The following DPP10 variants were observed in gnomAD, a reference collection of about 807,000 sequenced individuals.
DPP10 encodes dipeptidyl peptidase like 10.
Under a neutral mutation model 120.9 loss-of-function variants are expected in DPP10, and 33 were observed. The ratio of observed to expected loss-of-function variants is 0.27; its 90% confidence interval spans 0.21 to 0.37. DPP10 has a LOEUF of 0.37. DPP10 is among the 10% of genes least tolerant of loss of function. The pLI, the probability that DPP10 is intolerant of heterozygous loss-of-function variation, is 1.00. For synonymous variants in DPP10, 337 were observed against 326.1 expected, an observed-to-expected ratio of 1.03 and a Z score of -0.36; for missense variants, 816 against 942.8, an observed-to-expected ratio of 0.87 and a Z score of 1.76.
chr2:115,566,290 A>G (rs992485003), intron 5 of DPP10, among the ~76,000 whole-genome samples: 2 of 151,918 alleles, frequency 1.3e-5, no homozygotes, highest in African/African-American at 4.8e-5. Context: ...GTTTTTTCCT[A>G]ATGTTTGGCA....
chr2:115,120,658 T>C (rs1381680371), intron 1 of DPP10, among the ~76,000 whole-genome samples: 1 of 152,190 alleles, frequency 6.6e-6, no homozygotes, highest in African/African-American at 2.4e-5. Flanking sequence ...TTAGTAGACC[T>C]AATAACCTTT....
At position 114,863,667 on chromosome 2, in the gene DPP10, G is replaced by T. The variant is rs184390117; in HGVS notation, c.60+420829G>T. Among the ~76,000 whole-genome samples the T allele has an allele frequency of 1.5e-3, 222 of 152,316 alleles. 1 individual carries two copies. The highest frequency in any genetic ancestry group is 5.1e-3 in the African/African-American group (211 of 41,564). On this transcript the variant is annotated intron_variant, in intron 1 of 25. Coordinates refer to ENST00000410059, the MANE Select transcript of DPP10 (RefSeq NM_020868.6). ...CTTCTTCATGTGTGATTTGACACAGGATGAAATAGAATTAAAGGGCAACTA... is the reference window on the plus strand; with the variant it reads ...CTTCTTCATGTGTGATTTGACACAGTATGAAATAGAATTAAAGGGCAACTA...
At chr2:115,840,132 A>C (rs906055652) in intron 24 of DPP10, among the ~76,000 whole-genome samples, 1 of 151,612 alleles carries the variant, frequency 6.6e-6, no homozygotes, top group East Asian at 1.9e-4. Context: ...ATTTATAAAA[A>C]TATGTGTACC....
At chr2:115,103,632 G>C (rs755723225) in intron 1 of DPP10, among the ~76,000 whole-genome samples, 1 of 152,216 alleles carries the variant, frequency 6.6e-6, no homozygotes, top group East Asian at 1.9e-4. Flanking sequence ...TGCATGGGAA[G>C]TTTTTAATGG....
At position 115,843,500 on chromosome 2, in the gene DPP10, A is replaced by G. The variant is rs143481744; in HGVS notation, c.*1155A>G. The G allele has an allele frequency of 3.9e-5, 6 of 152,288 alleles. No homozygotes were observed. In the South Asian group the frequency reaches 1.0e-3, roughly 26 times the overall value. 9.4% of individuals were successfully genotyped at this position (152,288 alleles called of 1,614,324 possible). ...CTATTTAGTATTCCATGCCTGCCCA[A>G]TTCATCTGTTACTGTTTAATTTCAA... On this transcript the variant is annotated 3_prime_UTR_variant, in exon 26 of 26. Coordinates refer to ENST00000410059, the MANE Select transcript of DPP10 (RefSeq NM_020868.6).
At chr2:115,329,355 C>G (rs1340573918) in intron 2 of DPP10, among the ~76,000 whole-genome samples, 1 of 151,884 alleles carries the variant, frequency 6.6e-6, no homozygotes, top group African/African-American at 2.4e-5. Context: ...TTGTCTGACC[C>G]AGGAAACAAA....
At chr2:115,052,292 CA>C (rs1372854216) in intron 1 of DPP10, among the ~76,000 whole-genome samples, 1 of 151,548 alleles carries the variant, frequency 6.6e-6, no homozygotes, top group Admixed American at 6.6e-5. Flanking sequence ...AGTATGACTC[CA>C]AAAGCACAAG....
At chr2:114,849,173 A>G (rs982509868) in intron 1 of DPP10, among the ~76,000 whole-genome samples, 1 of 152,098 alleles carries the variant, frequency 6.6e-6, no homozygotes, top group Non-Finnish European at 1.5e-5. Flanking sequence ...GACTCTTCAC[A>G]TACACATTTA....
chr2:114,928,421 A>G (rs143429870), intron 1 of DPP10, among the ~76,000 whole-genome samples: 1 of 152,326 alleles, frequency 6.6e-6, no homozygotes, highest in East Asian at 1.9e-4. Flanking sequence ...CTGACATTAA[A>G]TCTTGAATCT....
At chr2:114,730,391 G>C (rs900282613) in intron 1 of DPP10, among the ~76,000 whole-genome samples, 1 of 152,162 alleles carries the variant, frequency 6.6e-6, no homozygotes, top group Non-Finnish European at 1.5e-5. Flanking sequence ...ATTCTCAGAG[G>C]CCTTCAGGAG....
intron 1 of DPP10, among the ~76,000 whole-genome samples, chr2:114,655,824 G>T (rs919349683): frequency 6.6e-6 from 1 of 151,996 alleles, no homozygotes; most frequent in Admixed American, 6.6e-5. Context: ...TATAGGTAAG[G>T]ATTCATTACA....
At chr2:115,715,535 A>G (rs898744600) in intron 7 of DPP10, among the ~76,000 whole-genome samples, 1 of 152,016 alleles carries the variant, frequency 6.6e-6, no homozygotes, top group African/African-American at 2.4e-5. Flanking sequence ...TAAACATACC[A>G]TACCATATTT....
intron 24 of DPP10, among the ~76,000 whole-genome samples, chr2:115,837,695 G>C (rs563418441): frequency 6.6e-6 from 1 of 152,256 alleles, no homozygotes; most frequent in Non-Finnish European, 1.5e-5. Context: ...ATATGATGTA[G>C]TGGGGATGGC....
In DPP10 at chr2:114,732,269, C is replaced by T. The variant is rs188036143; in HGVS notation, c.60+289431C>T. On this transcript the variant is annotated intron_variant, in intron 1 of 25. Transcript: ENST00000410059. ...GCAGTTAAGAAAACAGGAAACTGGA[C>T]ACACGACTACAATTTAGTCATATGG... 4.0e-3 allele frequency among the ~76,000 whole-genome samples: 611 copies of T among 152,300 alleles called. 4 individuals carry two copies. The highest frequency in any genetic ancestry group is 0.014 in the African/African-American group (577 of 41,558).
At chr2:115,561,765 A>C (rs953652492) in intron 5 of DPP10, among the ~76,000 whole-genome samples, 9 of 152,270 alleles carry the variant, frequency 5.9e-5, no homozygotes, top group African/African-American at 1.9e-4. Context: ...GTTTTTTTAA[A>C]TAAATTGGAA....
intron 1 of DPP10, among the ~76,000 whole-genome samples, chr2:114,685,397 A>G (rs1559001823): frequency 6.6e-6 from 1 of 151,986 alleles, no homozygotes; most frequent in African/African-American, 2.4e-5. Context: ...AGTTTTTGTC[A>G]ATAATTAAAT....
In DPP10 at chr2:115,119,821, T is replaced by C. The variant is rs192244254; in HGVS notation, c.61-189418T>C. 4.6e-5 allele frequency among the ~76,000 whole-genome samples: 7 copies of C among 152,316 alleles called. No homozygotes were observed. The East Asian group carries it at 1.2e-3, about 25-fold the overall frequency. ...AGGCAAGAGGAGACAAATTGGGTTA[T>C]TGTGCTTAGAAGACATGTACCTGTA... is the stretch of plus-strand genomic sequence containing the variant. On this transcript the variant is annotated intron_variant, in intron 1 of 25. Transcript: ENST00000410059.
intron 1 of DPP10, among the ~76,000 whole-genome samples, chr2:115,210,784 T>C (rs2056459928): frequency 6.6e-6 from 1 of 152,182 alleles, no homozygotes; most frequent in South Asian, 2.1e-4. Context: ...GATGAGCATT[T>C]TTTCATGTGT....
chr2:115,321,515 G>GTTTTTTTTTTTTTT (rs35046366), intron 2 of DPP10, among the ~76,000 whole-genome samples: 2 of 121,592 alleles, frequency 1.6e-5, no homozygotes, highest in Non-Finnish European at 3.3e-5. Flanking sequence ...TTTTTTTAGT[G>GTTTTTTTTTTTTTT]TTTTTTTTTT....
Sources: allele counts gnomAD v4.1 joint callset (sites outside exome capture counted in the v4.1 genomes callset), GRCh38; gene constraint gnomAD v4.1.1; transcripts MANE v1.5; gene names NCBI Gene and HGNC (gene_info 2026-07-23, HGNC 2026-07-21).